The following PXDNL variants were observed in gnomAD, a reference collection of about 807,000 sequenced individuals.
PXDNL encodes the protein peroxidasin like, also known as probable oxidoreductase PXDNL.
A neutral mutation model predicts 150.8 loss-of-function variants in PXDNL; 145 were observed. The observed-to-expected ratio is 0.96, with a 90% CI of 0.84 to 1.10. PXDNL has a LOEUF of 1.10. PXDNL is among the 50% of genes least tolerant of loss of function. PXDNL has a pLI of 0.00. For missense variants in PXDNL, 2,087 were observed against 1,873.9 expected (o/e 1.11, Z -2.10); for synonymous variants, 757 against 725.7 (o/e 1.04, Z -0.69).
intron 3 of PXDNL, among the ~76,000 whole-genome samples, chr8:51,570,245 C>T (rs1313304238): frequency 6.7e-6 from 1 of 149,902 alleles, no homozygotes; most frequent in East Asian, 1.9e-4. Flanking sequence ...GAGGGGAAAA[C>T]ATGACGCTGT....
intron 1 of PXDNL, among the ~76,000 whole-genome samples, chr8:51,661,718 G>C (rs1815274010): frequency 6.6e-6 from 1 of 152,172 alleles, no homozygotes; most frequent in South Asian, 2.1e-4. Flanking sequence ...GTGTGCAGCT[G>C]TTGGTCTGGC....
intron 4 of PXDNL, among the ~76,000 whole-genome samples, chr8:51,534,971 G>C (rs1441401230): frequency 2.6e-5 from 3 of 113,410 alleles, no homozygotes; most frequent in African/African-American, 1.5e-4. Flanking sequence ...GGAGGTGGGG[G>C]GGTCAGCCCC....
At chr8:51,531,313 A>G (rs1166879750) in intron 4 of PXDNL, among the ~76,000 whole-genome samples, 2 of 152,194 alleles carry the variant, frequency 1.3e-5, no homozygotes, top group Admixed American at 1.3e-4. Flanking sequence ...CAAAATCTCC[A>G]TGTTCTCTAA....
intron 2 of PXDNL, among the ~76,000 whole-genome samples, chr8:51,650,734 G>T (rs1815017153): frequency 6.6e-6 from 1 of 152,202 alleles, no homozygotes; most frequent in South Asian, 2.1e-4. Context: ...TAGTGATAAG[G>T]TTGATTGTTG....
intron 3 of PXDNL, among the ~76,000 whole-genome samples, chr8:51,570,200 G>A (rs918866270): frequency 6.6e-6 from 1 of 151,896 alleles, no homozygotes; most frequent in Non-Finnish European, 1.5e-5. Flanking sequence ...GGATGGGGCA[G>A]TATGAAGAGT....
chr8:51,679,591 T>C (rs985874849), intron 1 of PXDNL, among the ~76,000 whole-genome samples: 2 of 152,224 alleles, frequency 1.3e-5, no homozygotes, highest in African/African-American at 4.8e-5. Context: ...ATGCCCATCC[T>C]TGGATCTACA....
chr8:51,640,794 G>C (rs2130776683), intron 2 of PXDNL, among the ~76,000 whole-genome samples: 1 of 152,142 alleles, frequency 6.6e-6, no homozygotes, highest in East Asian at 1.9e-4. Context: ...GTAATTTATA[G>C]ATTCAATGCC....
At chr8:51,375,721 A>G (rs768327827) in intron 17 of PXDNL, among the ~76,000 whole-genome samples, 1 of 152,202 alleles carries the variant, frequency 6.6e-6, no homozygotes, top group Non-Finnish European at 1.5e-5. Flanking sequence ...CTTTTACACT[A>G]TGAACATTCT....
intron 1 of PXDNL, among the ~76,000 whole-genome samples, chr8:51,681,679 T>C (rs41466245): frequency 0.056 from 8,511 of 152,322 alleles, 343 homozygotes; most frequent in African/African-American, 0.12. Flanking sequence ...GGTTGTGACA[T>C]TAATTGAAAA....
intron 4 of PXDNL, among the ~76,000 whole-genome samples, chr8:51,503,623 T>C (rs1012504245): frequency 1.3e-5 from 2 of 152,202 alleles, no homozygotes; most frequent in African/African-American, 4.8e-5. Flanking sequence ...TGCAGGTAGA[T>C]AAATATGAAT....
intron 1 of PXDNL, among the ~76,000 whole-genome samples, chr8:51,775,151 A>G (rs546834558): frequency 1.3e-5 from 2 of 152,290 alleles, no homozygotes; most frequent in African/African-American, 4.8e-5. Context: ...ATTAATTACT[A>G]TCTATCCACC....
intron 21 of PXDNL, among the ~76,000 whole-genome samples, chr8:51,327,286 C>A (rs1057322856): frequency 2.0e-5 from 3 of 152,248 alleles, no homozygotes; most frequent in Admixed American, 2.0e-4. Context: ...CTAGACCAAG[C>A]CGCTGTATAA....
chr8:51,764,561 T>C (rs1451037902), intron 1 of PXDNL, among the ~76,000 whole-genome samples: 1 of 114,306 alleles, frequency 8.7e-6, no homozygotes, highest in Non-Finnish European at 1.6e-5. Context: ...CTCTGAATCA[T>C]TGTTTATTTA....
chr8:51,535,236 G>A (rs968484447), intron 4 of PXDNL, among the ~76,000 whole-genome samples: 1 of 132,780 alleles, frequency 7.5e-6, no homozygotes, highest in Non-Finnish European at 1.5e-5. Flanking sequence ...GCTCATTGGG[G>A]ATGGGCCATG....
chr8:51,410,837 G>C (rs1233176428), intron 16 of PXDNL, among the ~76,000 whole-genome samples: 1 of 152,062 alleles, frequency 6.6e-6, no homozygotes, highest in Admixed American at 6.5e-5. Flanking sequence ...AACTGGGGAG[G>C]TATTATAAAT....
chr8:51,538,504 G>T (rs1017077403), intron 4 of PXDNL, among the ~76,000 whole-genome samples: 3 of 152,074 alleles, frequency 2.0e-5, no homozygotes, highest in African/African-American at 7.2e-5. Flanking sequence ...AGTGGCTCAC[G>T]CCTGTAATCC....
At chr8:51,738,355 G>A (rs1044147371) in intron 1 of PXDNL, among the ~76,000 whole-genome samples, 14 of 152,082 alleles carry the variant, frequency 9.2e-5, no homozygotes, top group African/African-American at 3.4e-4. Context: ...CTCCCAAAAC[G>A]TGCTGTGCTC....
chr8:51,443,699 A>G (rs920759735), intron 12 of PXDNL, among the ~76,000 whole-genome samples: 3 of 152,258 alleles, frequency 2.0e-5, no homozygotes, highest in Non-Finnish European at 2.9e-5. Context: ...TGTTTTACAA[A>G]TCTCAGTAGT....
intron 4 of PXDNL, among the ~76,000 whole-genome samples, 183 bp downstream of exon 4, chr8:51,556,657 C>T (rs1161018011): frequency 6.6e-6 from 1 of 152,146 alleles, no homozygotes; most frequent in African/African-American, 2.4e-5. Context: ...GTCTGTCTTC[C>T]TATCCTTATG....
Sources: gnomAD v4.1 joint callset for allele counts (sites outside exome capture counted in the v4.1 genomes callset) on GRCh38, gnomAD v4.1.1 for gene constraint, MANE v1.5 for transcripts, NCBI Gene and HGNC (gene_info 2026-07-23, HGNC 2026-07-21) for gene names.